GUCY1A2: variants seen among roughly 807,000 people sequenced by gnomAD.
GUCY1A2 encodes guanylate cyclase 1 soluble subunit alpha 2.
Under a neutral mutation model 63.5 loss-of-function variants are expected in GUCY1A2, and 27 were observed. That is an observed-to-expected ratio of 0.43 (90% confidence interval 0.31 to 0.59). The LOEUF (loss-of-function observed/expected upper bound fraction) is 0.59, where lower values mean the gene tolerates loss of function less well. Among genes scored for constraint, GUCY1A2 ranks in the 20% least tolerant of loss-of-function variants. The probability of loss-of-function intolerance (pLI) is 0.11; values close to 1 mark genes in which losing one functional copy is unlikely to be tolerated. For synonymous variants in GUCY1A2, 364 were observed against 343.5 expected, an observed-to-expected ratio of 1.06 and a Z score of -0.66; for missense variants, 768 against 913.3, an observed-to-expected ratio of 0.84 and a Z score of 2.05.
Position 107,018,391 on chromosome 11 carries a change from G to A in GUCY1A2, c.-336C>T, listed in dbSNP as rs1861860089. 6.6e-6 allele frequency: 1 copy of A among 150,422 alleles called. No individual in the cohort carries two copies. The allele number at this position is 150,422 out of a possible 1,614,324, so 9.3% of individuals were successfully genotyped here. On this transcript the variant is annotated 5_prime_UTR_variant, in exon 1 of 8. Transcript: ENST00000526355. ...CCGTGCGCCGCGCTCCCGCTCACGG[G>A]GAGGCTCCGAGAGTGTGTGACCGCG...
intron 3 of GUCY1A2, among the ~76,000 whole-genome samples, chr11:106,970,513 T>C (rs1483952446): frequency 6.6e-6 from 1 of 152,184 alleles, no homozygotes; most frequent in Non-Finnish European, 1.5e-5. Context: ...AGGTGCTGCT[T>C]TTGTTTATTA....
At chr11:106,792,266 A>G (rs1195003) in intron 5 of GUCY1A2, among the ~76,000 whole-genome samples, 1 of 151,948 alleles carries the variant, frequency 6.6e-6, no homozygotes, top group Admixed American at 6.6e-5. Context: ...GGTGCCTGTA[A>G]TCCCAGCTAC....
intron 7 of GUCY1A2, among the ~76,000 whole-genome samples, chr11:106,699,851 G>A (rs1285759755): frequency 6.6e-6 from 1 of 150,798 alleles, no homozygotes; most frequent in Non-Finnish European, 1.5e-5. Context: ...GCGCCATCTC[G>A]GCTCACTGCA....
intron 4 of GUCY1A2, among the ~76,000 whole-genome samples, chr11:106,919,037 C>T (rs1334001006): frequency 6.6e-6 from 1 of 152,002 alleles, no homozygotes; most frequent in Non-Finnish European, 1.5e-5. Flanking sequence ...TTATTGAATT[C>T]CTATATGCAA....
chr11:106,858,639 A>C (rs966665919), intron 4 of GUCY1A2, among the ~76,000 whole-genome samples: 1 of 152,146 alleles, frequency 6.6e-6, no homozygotes, highest in East Asian at 1.9e-4. Flanking sequence ...ACCCAAGACC[A>C]GAAGTATTAT....
Position 106,685,564 on chromosome 11 carries a change from C to T in GUCY1A2, c.*1985G>A, listed in dbSNP as rs368343638. 12 of 227,624 alleles carry T rather than the reference C, an allele frequency of 5.3e-5. No individual in the cohort carries two copies. In the East Asian group the frequency reaches 6.9e-4, roughly 13 times the overall value. The allele number at this position is 227,624 out of a possible 1,614,324, so 14.1% of individuals were successfully genotyped here. On this transcript the variant is annotated 3_prime_UTR_variant, in exon 8 of 8. Coordinates refer to ENST00000526355, the MANE Select transcript of GUCY1A2 (RefSeq NM_000855.3). The stretch of plus-strand genomic sequence containing the variant: ...ATAATAAGTTCTAAGTTACTGAAGA[C>T]AATAGGCATAAATGACATCAGTGAG...
At chr11:107,010,721 T>C (rs1397927677) in intron 1 of GUCY1A2, among the ~76,000 whole-genome samples, 1 of 152,092 alleles carries the variant, frequency 6.6e-6, no homozygotes, top group East Asian at 1.9e-4. Flanking sequence ...TATTTACTTC[T>C]CCTGAGCACT....
At chr11:106,797,364 C>G (rs1864784786) in intron 5 of GUCY1A2, among the ~76,000 whole-genome samples, 2 of 152,028 alleles carry the variant, frequency 1.3e-5, no homozygotes, top group Admixed American at 1.3e-4. Context: ...CAACATTAGA[C>G]AGATCAACGA....
intron 1 of GUCY1A2, among the ~76,000 whole-genome samples, chr11:107,006,618 G>A (rs1471931874): frequency 6.6e-6 from 1 of 152,156 alleles, no homozygotes; most frequent in African/African-American, 2.4e-5. Flanking sequence ...TATGAGAAAT[G>A]GTATGCACAT....
At chr11:106,796,917 A>T (rs542063033) in intron 5 of GUCY1A2, among the ~76,000 whole-genome samples, 2 of 152,292 alleles carry the variant, frequency 1.3e-5, no homozygotes, top group East Asian at 3.9e-4. Flanking sequence ...CACACCAATC[A>T]GACGTAGATT....
At chr11:107,006,806 G>A (rs1229097735) in intron 1 of GUCY1A2, among the ~76,000 whole-genome samples, 1 of 152,170 alleles carries the variant, frequency 6.6e-6, no homozygotes, top group African/African-American at 2.4e-5. Flanking sequence ...AAACACACAG[G>A]TGAACCTTTG....
intron 1 of GUCY1A2, among the ~76,000 whole-genome samples, chr11:106,995,481 A>G (rs1449205870): frequency 6.6e-6 from 1 of 152,170 alleles, no homozygotes; most frequent in Non-Finnish European, 1.5e-5. Flanking sequence ...CCAACAGCAG[A>G]AAAGATTATA....
chr11:106,950,872 C>G (rs1282373930), intron 3 of GUCY1A2, among the ~76,000 whole-genome samples: 2 of 152,104 alleles, frequency 1.3e-5, no homozygotes, highest in Non-Finnish European at 2.9e-5. Context: ...ATTGACCCAT[C>G]CTCTAAGTTC....
intron 4 of GUCY1A2, among the ~76,000 whole-genome samples, chr11:106,833,059 G>A (rs1859071985): frequency 6.6e-6 from 1 of 151,974 alleles, no homozygotes; most frequent in South Asian, 2.1e-4. Flanking sequence ...CTCTCTCCTA[G>A]GTTCTGGTAG....
At chr11:106,804,542 T>C (rs2135420866) in intron 5 of GUCY1A2, among the ~76,000 whole-genome samples, 1 of 152,340 alleles carries the variant, frequency 6.6e-6, no homozygotes, top group Middle Eastern at 3.4e-3. Context: ...TGAAATCTAT[T>C]TCATGCTGAA....
At chr11:106,948,902 G>A (rs1018912155) in intron 3 of GUCY1A2, among the ~76,000 whole-genome samples, 4 of 152,024 alleles carry the variant, frequency 2.6e-5, no homozygotes, top group East Asian at 1.9e-4. Flanking sequence ...AATTAAGATC[G>A]TACAATGCAA....
chr11:106,737,619 A>G (rs1036461574), intron 6 of GUCY1A2, among the ~76,000 whole-genome samples: 1 of 151,272 alleles, frequency 6.6e-6, no homozygotes. Flanking sequence ...TCATTGTTCA[A>G]CTCCCACTTA....
At chr11:106,949,260 A>G (rs1375198964) in intron 3 of GUCY1A2, among the ~76,000 whole-genome samples, 1 of 152,112 alleles carries the variant, frequency 6.6e-6, no homozygotes, top group East Asian at 1.9e-4. Context: ...TGCCTTCTGA[A>G]TAAAGTCCAA....
chr11:106,866,245 T>TA (rs557503888), intron 4 of GUCY1A2, among the ~76,000 whole-genome samples: 2,629 of 150,294 alleles, frequency 0.017, 30 homozygotes, highest in Middle Eastern at 0.038. Flanking sequence ...GTTCTTGAAT[T>TA]AAAAAAAAAA....
Sources: allele counts gnomAD v4.1 joint callset (sites outside exome capture counted in the v4.1 genomes callset), GRCh38; gene constraint gnomAD v4.1.1; transcripts MANE v1.5; gene names NCBI Gene and HGNC (gene_info 2026-07-23, HGNC 2026-07-21).